The following AHI1 variants were observed in gnomAD, a reference collection of about 807,000 sequenced individuals.
AHI1 encodes Abelson helper integration site 1.
AHI1 carries 123 observed loss-of-function variants against 149.3 expected under a neutral mutation model. The observed-to-expected ratio is 0.82, with a 90% confidence interval of 0.71 to 0.96. The LOEUF (loss-of-function observed/expected upper bound fraction) is 0.96, where lower values mean the gene tolerates loss of function less well. AHI1 is among the 40% of genes least tolerant of loss of function. The pLI is 0.00. For missense variants in AHI1, 1,439 were observed against 1,422.7 expected, an observed-to-expected ratio of 1.01 and a Z score of -0.18; for synonymous variants, 475 against 459.8, an observed-to-expected ratio of 1.03 and a Z score of -0.42.
intron 23 of AHI1, chr6:135,387,800 A>C: frequency 7.4e-7 from 1 of 1,345,120 alleles, no homozygotes; most frequent in Non-Finnish European, 9.6e-7. Context: ...CATACTGTTT[A>C]TTCTCCCAAT....
intron 27 of AHI1, among the ~76,000 whole-genome samples, chr6:135,294,683 C>G (rs1460438606): frequency 1.4e-5 from 1 of 71,058 alleles, no homozygotes; most frequent in Non-Finnish European, 2.6e-5. Flanking sequence ...GCTAGAACAA[C>G]AGGATCTCCA....
chr6:135,395,599 T>C (rs1204418438), intron 22 of AHI1, among the ~76,000 whole-genome samples: 1 of 151,974 alleles, frequency 6.6e-6, no homozygotes, highest in Non-Finnish European at 1.5e-5. Flanking sequence ...AATAGTTCAC[T>C]GAAAAAGCTT....
At chr6:135,299,199 T>C (rs769143399) in intron 27 of AHI1, among the ~76,000 whole-genome samples, 5 of 152,228 alleles carry the variant, frequency 3.3e-5, no homozygotes, top group Non-Finnish European at 5.9e-5. Flanking sequence ...AGGTATCTTC[T>C]AGATCATGAT....
At chr6:135,390,019 T>A (rs935073850) in intron 23 of AHI1, among the ~76,000 whole-genome samples, 2 of 151,766 alleles carry the variant, frequency 1.3e-5, no homozygotes, top group Non-Finnish European at 2.9e-5. Flanking sequence ...GTGTTTTTTT[T>A]ATTTTATTTT....
intron 20 of AHI1, among the ~76,000 whole-genome samples, chr6:135,424,120 C>T (rs1405844274): frequency 6.6e-6 from 1 of 151,740 alleles, no homozygotes; most frequent in East Asian, 1.9e-4. Flanking sequence ...GATTATTAGA[C>T]ATTTAGAAAC....
intron 27 of AHI1, among the ~76,000 whole-genome samples, chr6:135,293,978 C>T (rs113667208): frequency 6.6e-6 from 1 of 152,236 alleles, no homozygotes; most frequent in African/African-American, 2.4e-5. Flanking sequence ...AGACATACTA[C>T]AAAACTACTC....
chr6:135,291,305 A>G (rs922838191), intron 27 of AHI1, among the ~76,000 whole-genome samples: 5 of 152,240 alleles, frequency 3.3e-5, no homozygotes, highest in African/African-American at 9.6e-5. Flanking sequence ...ATATTTCCCC[A>G]AAATTCACAT....
rs1785745572 is a variant in AHI1 at position 135,438,430 on chromosome 6, A to G, written c.1981T>C (p.Ser661Pro). 6 of 1,565,118 alleles carry G rather than the reference A, an allele frequency of 3.8e-6. No homozygotes were observed. Among genetic ancestry groups the G allele is most frequent in the Non-Finnish European group, 5.2e-6 (6 of 1,153,034 alleles). Residue 661 changes from serine to proline, a missense_variant, in exon 15 of 29, where the codon TCC becomes CCC. By Grantham distance (74) the Ser-to-Pro change is moderately conservative (BLOSUM62 -1). Transcript: ENST00000265602. ...ATGTAGTGATCATCTTTTGACCAGGAAAGATCATAAATGATATTGAGGTGG... is the reference window on the plus strand; with the variant it reads ...ATGTAGTGATCATCTTTTGACCAGGGAAGATCATAAATGATATTGAGGTGG... ...CGHLNIIYDL[S>P]WSKDDHYILT...
At chr6:135,405,251 T>C (rs56195115) in intron 21 of AHI1, among the ~76,000 whole-genome samples, 9 of 152,264 alleles carry the variant, frequency 5.9e-5, no homozygotes, top group Admixed American at 3.3e-4. Context: ...CTTCAATCAA[T>C]AGAATAAAAT....
chr6:135,443,401 T>C (rs1279238224), intron 13 of AHI1, among the ~76,000 whole-genome samples: 2 of 152,226 alleles, frequency 1.3e-5, no homozygotes, highest in African/African-American at 4.8e-5. Flanking sequence ...TTAGTTCTTC[T>C]GTTTCTTATA....
intron 27 of AHI1, among the ~76,000 whole-genome samples, chr6:135,292,210 G>T (rs1782450799): frequency 6.6e-6 from 1 of 151,940 alleles, no homozygotes; most frequent in Non-Finnish European, 1.5e-5. Flanking sequence ...CCCTACTTTT[G>T]TGCCTTAGCT....
chr6:135,309,743 A>G (rs1233884452), intron 26 of AHI1, among the ~76,000 whole-genome samples: 2 of 152,104 alleles, frequency 1.3e-5, no homozygotes, highest in Non-Finnish European at 2.9e-5. Context: ...TGGCCTCCCA[A>G]AGTGCTGGGA....
chr6:135,331,963 T>C (rs891769720), intron 24 of AHI1, among the ~76,000 whole-genome samples: 6 of 152,206 alleles, frequency 3.9e-5, no homozygotes, highest in Admixed American at 3.3e-4. Flanking sequence ...AGGAAACTAA[T>C]AGACACGATT....
chr6:135,383,956 G>A (rs554109054), intron 23 of AHI1, among the ~76,000 whole-genome samples: 1 of 152,262 alleles, frequency 6.6e-6, no homozygotes, highest in South Asian at 2.1e-4. Context: ...TGAGTAAACT[G>A]ATTACTGAGT....
At chr6:135,369,303 T>G (rs979403849) in intron 23 of AHI1, among the ~76,000 whole-genome samples, 14 of 152,210 alleles carry the variant, frequency 9.2e-5, no homozygotes, top group Admixed American at 5.2e-4. Context: ...CTGCCCCCTC[T>G]AACAGGTCTG....
chr6:135,456,527 G>A (rs142058722), intron 9 of AHI1, among the ~76,000 whole-genome samples: 63 of 148,474 alleles, frequency 4.2e-4, no homozygotes, highest in Admixed American at 1.3e-3. Flanking sequence ...CCAGTGAGAC[G>A]CAGTGAGATA....
chr6:135,347,713 C>T (rs112972067), intron 24 of AHI1, among the ~76,000 whole-genome samples: 2,682 of 152,150 alleles, frequency 0.018, 78 homozygotes, highest in African/African-American at 0.061. Flanking sequence ...TGTTTTGTAG[C>T]GAAATATTTC....
At chr6:135,339,190 C>T (rs534086633) in intron 24 of AHI1, among the ~76,000 whole-genome samples, 14 of 152,264 alleles carry the variant, frequency 9.2e-5, no homozygotes, top group African/African-American at 2.6e-4. Flanking sequence ...TAACACTGCA[C>T]CTGCCTTAGG....
At chr6:135,389,145 C>G (rs1435767468) in intron 23 of AHI1, among the ~76,000 whole-genome samples, 1 of 151,438 alleles carries the variant, frequency 6.6e-6, no homozygotes, top group Admixed American at 6.6e-5. Flanking sequence ...CCTGTCTCTA[C>G]TAAAAAACAC....
Sources: gnomAD v4.1 joint callset for allele counts (sites outside exome capture counted in the v4.1 genomes callset) on GRCh38, gnomAD v4.1.1 for gene constraint, MANE v1.5 for transcripts, NCBI Gene and HGNC (gene_info 2026-07-23, HGNC 2026-07-21) for gene names.